CDH22: variants seen among roughly 807,000 people sequenced by gnomAD.
CDH22 encodes cadherin-22.
A neutral mutation model predicts 58.4 loss-of-function variants in CDH22; 30 were observed. The ratio of observed to expected loss-of-function variants is 0.51; its 90% CI spans 0.38 to 0.70. The LOEUF is 0.70. Among genes scored for constraint, CDH22 ranks in the 30% least tolerant of loss-of-function variants. The probability of loss-of-function intolerance (pLI) is 0.00; values close to 1 mark genes in which losing one functional copy is unlikely to be tolerated. For synonymous variants in CDH22, 513 were observed against 558.2 expected (o/e 0.92, Z 1.14); for missense variants, 1,014 against 1,233.9 (o/e 0.82, Z 2.67).
At chr20:46,275,106 A>G (rs1344590131) in intron 1 of CDH22, among the ~76,000 whole-genome samples, 1 of 152,188 alleles carries the variant, frequency 6.6e-6, no homozygotes. Flanking sequence ...ACCTCAATAA[A>G]GCTTTTGGAA....
chr20:46,214,635 A>T (rs772394437), intron 5 of CDH22, among the ~76,000 whole-genome samples: 4 of 151,434 alleles, frequency 2.6e-5, no homozygotes, highest in Non-Finnish European at 5.9e-5. Context: ...TCTGCAACTG[A>T]CTCACTCTCT....
At chr20:46,177,567 T>C (rs2085750128) in intron 11 of CDH22, among the ~76,000 whole-genome samples, 1 of 152,152 alleles carries the variant, frequency 6.6e-6, no homozygotes, top group Admixed American at 6.5e-5. Flanking sequence ...CCCAGCGCTT[T>C]CATCTGAAAA....
chr20:46,199,282 A>G (rs1286982989), intron 8 of CDH22, 141 bp downstream of exon 8: 5 of 998,670 alleles, frequency 5.0e-6, no homozygotes, highest in Non-Finnish European at 7.1e-6. Flanking sequence ...TCTTCGCACC[A>G]TCCCCAACCT....
intron 2 of CDH22, among the ~76,000 whole-genome samples, chr20:46,247,628 G>T (rs1228980006): frequency 6.6e-6 from 1 of 152,144 alleles, no homozygotes; most frequent in African/African-American, 2.4e-5. Flanking sequence ...ATCCATGGGA[G>T]GTCCTGGAAC....
At chr20:46,240,567 G>T (rs545669223) in intron 3 of CDH22, among the ~76,000 whole-genome samples, 1 of 152,260 alleles carries the variant, frequency 6.6e-6, no homozygotes, top group East Asian at 1.9e-4. Flanking sequence ...CTGTGTAGGG[G>T]ACTGGATCTA....
At chr20:46,248,623 A>C (rs2086348412) in intron 2 of CDH22, among the ~76,000 whole-genome samples, 1 of 152,080 alleles carries the variant, frequency 6.6e-6, no homozygotes, top group Non-Finnish European at 1.5e-5. Context: ...AGGAGTTCAA[A>C]GCCAGACTGG....
intron 8 of CDH22, among the ~76,000 whole-genome samples, chr20:46,190,949 G>A (rs1413222104): frequency 6.6e-6 from 1 of 152,184 alleles, no homozygotes; most frequent in African/African-American, 2.4e-5. Context: ...AGTTTCTTCT[G>A]TATAATGGAC....
chr20:46,198,449 C>G (rs1006153604), intron 8 of CDH22, among the ~76,000 whole-genome samples: 1 of 152,150 alleles, frequency 6.6e-6, no homozygotes, highest in East Asian at 1.9e-4. Context: ...GCCTGTATCC[C>G]AAAGCCAGCC....
chr20:46,293,358 T>C (rs987461501), intron 1 of CDH22, among the ~76,000 whole-genome samples: 1 of 152,214 alleles, frequency 6.6e-6, no homozygotes, highest in South Asian at 2.1e-4. Flanking sequence ...CGTGTGTGCA[T>C]GGAGACATGT....
intron 1 of CDH22, among the ~76,000 whole-genome samples, chr20:46,290,462 A>C (rs1196565531): frequency 6.6e-6 from 1 of 152,236 alleles, no homozygotes; most frequent in African/African-American, 2.4e-5. Context: ...ATGTCAATAG[A>C]GCTGAGGTTG....
At chr20:46,233,558 T>C (rs1370569482) in intron 3 of CDH22, among the ~76,000 whole-genome samples, 1 of 152,252 alleles carries the variant, frequency 6.6e-6, no homozygotes, top group African/African-American at 2.4e-5. Context: ...GAGCACCTAC[T>C]ATGTGCTAGA....
rs552475739 is a variant in CDH22 at position 46,303,589 on chromosome 20, T to C, written c.-400+4666A>G. ...TATATATACATTTTAAACTGGATAA[T>C]GAATGTATGGTCAGACAGGCAGATG... On this transcript the variant is annotated intron_variant, in intron 1 of 11. Transcript: ENST00000537909. Among the ~76,000 whole-genome samples the C allele has an allele frequency of 2.0e-5, 3 of 152,256 alleles. No homozygotes were observed. The East Asian group carries it at 5.8e-4, about 29-fold the overall frequency.
Position 46,177,992 on chromosome 20 carries a change from G to C in CDH22, c.1869C>G (p.Ser623Arg), listed in dbSNP as rs751544343. The change falls in exon 11 of 12, where the codon AGC becomes AGG. Residue 623 changes from serine to arginine, a missense_variant. Ser to Arg is a moderately radical substitution (Grantham distance 110). This residue lies in a region of CDH22 where 806 missense variants were observed against 1,038.7 expected (regional missense o/e 0.78). Transcript: ENST00000537909. ...CCAAGAGGGCGATGAGGGCGCCGGGGCTGAGGGAGGCGGCCATGACAAAGG... is the reference window on the plus strand; with the variant it reads ...CCAAGAGGGCGATGAGGGCGCCGGGCCTGAGGGAGGCGGCCATGACAAAGG... The part of the protein sequence containing the change: ...TTAFVMAASL[S>R]PGALIALLVC... The C allele has an allele frequency of 6.2e-7, 1 of 1,613,988 alleles. No individual in the cohort carries two copies. The highest frequency in any genetic ancestry group is 8.5e-7 in the Non-Finnish European group (1 of 1,180,026).
chr20:46,290,291 T>G (rs1357986352), intron 1 of CDH22, among the ~76,000 whole-genome samples: 1 of 152,200 alleles, frequency 6.6e-6, no homozygotes, highest in Non-Finnish European at 1.5e-5. Flanking sequence ...GGGGCAATTT[T>G]GCCACCCAGG....
intron 3 of CDH22, among the ~76,000 whole-genome samples, chr20:46,238,047 C>A (rs1023746655): frequency 1.3e-5 from 2 of 152,122 alleles, no homozygotes; most frequent in Non-Finnish European, 2.9e-5. Flanking sequence ...TCCCCTGGCA[C>A]CTCCCCATCC....
At chr20:46,275,990 C>A (rs6104531) in intron 1 of CDH22, among the ~76,000 whole-genome samples, 2,677 of 152,072 alleles carry the variant, frequency 0.018, 81 homozygotes, top group African/African-American at 0.061. Context: ...CAGGGAACAG[C>A]ACATATGATG....
At chr20:46,217,661 C>T (rs1232024972) in intron 4 of CDH22, among the ~76,000 whole-genome samples, 1 of 152,150 alleles carries the variant, frequency 6.6e-6, no homozygotes, top group East Asian at 1.9e-4. Flanking sequence ...TACACTCACA[C>T]ATCCATACAG....
At chr20:46,278,639 C>T (rs1343120623) in intron 1 of CDH22, among the ~76,000 whole-genome samples, 1 of 152,068 alleles carries the variant, frequency 6.6e-6, no homozygotes, top group African/African-American at 2.4e-5. Flanking sequence ...GGCTGGAGTT[C>T]AGTGGCAAAA....
rs146948949 is a variant in CDH22 at position 46,223,325 on chromosome 20, C to T, written c.670+4183G>A. On this transcript the variant is annotated intron_variant, in intron 4 of 11. Transcript: ENST00000537909. ...CTTCATCTGCCCAGCCCTGCCACCTCCCAAGACTCAGTCTTGGCCCTTCTC... is the reference window on the plus strand; with the variant it reads ...CTTCATCTGCCCAGCCCTGCCACCTTCCAAGACTCAGTCTTGGCCCTTCTC... Among the ~76,000 whole-genome samples the T allele has an allele frequency of 9.6e-3, 1,464 of 152,268 alleles. 46 individuals carry two copies. Among genetic ancestry groups the T allele is most frequent in the Admixed American group, 0.068 (1,039 of 15,304 alleles).
Sources: allele counts gnomAD v4.1 joint callset (sites outside exome capture counted in the v4.1 genomes callset), GRCh38; gene constraint gnomAD v4.1.1; regional missense constraint gnomAD v4.1.1; transcripts MANE v1.5; gene names NCBI Gene and HGNC (gene_info 2026-07-23, HGNC 2026-07-21).